ANKRD11: variants seen among roughly 807,000 people sequenced by gnomAD.
ANKRD11 encodes the protein ankyrin repeat domain 11, also known as ankyrin repeat domain-containing protein 11.
Under a neutral mutation model 195.7 loss-of-function variants are expected in ANKRD11, and 17 were observed. The observed-to-expected ratio is 0.09, with a 90% CI of 0.06 to 0.13. ANKRD11 has a LOEUF of 0.13. Among genes scored for constraint, ANKRD11 ranks in the 10% least tolerant of loss-of-function variants. ANKRD11 has a pLI of 1.00. For missense variants in ANKRD11, 3,735 were observed against 3,566.1 expected, an observed-to-expected ratio of 1.05 and a Z score of -1.21; for synonymous variants, 1,953 against 1,528.1, an observed-to-expected ratio of 1.28 and a Z score of -6.49.
rs1259658928 is a variant in ANKRD11, at chr16:89,334,524, G to A, written c.-59-17446C>T. Among the ~76,000 whole-genome samples, 4 of 152,132 alleles carry A rather than the reference G, an allele frequency of 2.6e-5. No homozygotes were observed. In the East Asian group the frequency reaches 7.7e-4, roughly 29 times the overall value. Reference sequence around the variant, plus strand: ...CAACTCCAGGCTGGCAAAGTGACGAGAAAACACCCCACCCATGTGGGCAGT... The same window carrying A: ...CAACTCCAGGCTGGCAAAGTGACGAAAAAACACCCCACCCATGTGGGCAGT... On this transcript the variant is annotated intron_variant, in intron 2 of 12. Coordinates refer to ENST00000301030, the MANE Select transcript of ANKRD11 (RefSeq NM_013275.6).
chr16:89,435,934 G>A (rs772860907), intron 1 of ANKRD11, among the ~76,000 whole-genome samples: 23 of 151,996 alleles, frequency 1.5e-4, no homozygotes, highest in Non-Finnish European at 2.9e-4. Context: ...CTAAATCACC[G>A]CAAGTTTCAA....
intron 1 of ANKRD11, among the ~76,000 whole-genome samples, chr16:89,425,418 T>C (rs1254409280): frequency 1.3e-5 from 2 of 152,158 alleles, no homozygotes; most frequent in Non-Finnish European, 2.9e-5. Flanking sequence ...TTAGAGGACT[T>C]AAAGGGAACA....
chr16:89,313,143 T>C (rs556209664), intron 3 of ANKRD11, among the ~76,000 whole-genome samples: 1 of 152,280 alleles, frequency 6.6e-6, no homozygotes, highest in Admixed American at 6.5e-5. Flanking sequence ...AGGTGACTGC[T>C]CGTCGGAGGA....
chr16:89,382,672 G>T (rs547981956), intron 2 of ANKRD11, among the ~76,000 whole-genome samples: 20 of 150,970 alleles, frequency 1.3e-4, no homozygotes, highest in Non-Finnish European at 2.5e-4. Flanking sequence ...AGTAGATGGG[G>T]TCTCACTATG....
intron 9 of ANKRD11, 159 bp downstream of exon 9, chr16:89,278,913 T>G: frequency 1.6e-6 from 2 of 1,247,016 alleles, no homozygotes; most frequent in Non-Finnish European, 2.3e-6. Context: ...GGCTTTTGCC[T>G]CCACAGCAGA....
At chr16:89,391,572 G>A (rs77422718) in intron 2 of ANKRD11, among the ~76,000 whole-genome samples, 1 of 152,124 alleles carries the variant, frequency 6.6e-6, no homozygotes, top group African/African-American at 2.4e-5. Context: ...AAAAATCTGA[G>A]TTTTCCCCCT....
chr16:89,309,226 T>TG (rs1567621332), intron 3 of ANKRD11, among the ~76,000 whole-genome samples: 1 of 152,126 alleles, frequency 6.6e-6, no homozygotes, highest in Admixed American at 6.5e-5. Context: ...CCACAAATGC[T>TG]GGGCATGGCC....
At chr16:89,476,971 A>G (rs940933127) in intron 1 of ANKRD11, among the ~76,000 whole-genome samples, 3 of 152,230 alleles carry the variant, frequency 2.0e-5, no homozygotes, top group Admixed American at 6.5e-5. Flanking sequence ...TAATACGAGG[A>G]GCTCGTTAAG....
Position 89,279,796 on chromosome 16 carries a change from C to T in ANKRD11, c.6746G>A (p.Arg2249His), listed in dbSNP as rs201043388. ...VEPAPVPPEQ[R>H]PLGSGDQGAE... is the part of the protein sequence containing the mutation. The stretch of plus-strand genomic sequence containing the variant: ...CCCCTGGTCTCCGCTCCCCAGTGGG[C>T]GCTGTTCTGGGGGAACGGGCGCGGG... The change falls in exon 9 of 13, where the codon CGC (arginine) becomes CAC (histidine). Residue 2249 changes from arginine (R) to histidine (H), a missense_variant. Transcript: ENST00000301030. This position sits in a 1 kb window ranked among gnomAD's most constrained non-coding sequence, Gnocchi z 5.6. 491 of 1,538,216 alleles carry T rather than the reference C, an allele frequency of 3.2e-4. 2 individuals carry two copies. The African/African-American group carries it at 4.8e-3, about 15-fold the overall frequency.
Position 89,433,286 on chromosome 16 carries a change from C to T in ANKRD11, c.-144-14918G>A, listed in dbSNP as rs369663603. 2.3e-4 allele frequency among the ~76,000 whole-genome samples: 35 copies of T among 152,292 alleles called. No individual in the cohort carries two copies. The East Asian group carries it at 5.0e-3, about 22-fold the overall frequency. Reference sequence around the variant, plus strand: ...GATCCTTTGGCCCTAACATATGGATCCCTCCAGGCTCTTTCAGTCTGCTAA... The same window carrying T: ...GATCCTTTGGCCCTAACATATGGATTCCTCCAGGCTCTTTCAGTCTGCTAA... On this transcript the variant is annotated intron_variant, in intron 1 of 12. Transcript: ENST00000301030.
chr16:89,355,506 ACGTGGCCCCATGTCCGGC>A lies in ANKRD11; in HGVS notation c.-59-38446_-59-38429del, dbSNP rs1487891472. On this transcript the variant is annotated intron_variant, in intron 2 of 12. Transcript: ENST00000301030. ...ATTTCAAAGTGCTCCTCAGGGGTGAACGTGGCCCCATGTCCGGCACATGCTCTGCTCTGAACGCTCTCT... is the reference window on the plus strand; with the variant it reads ...ATTTCAAAGTGCTCCTCAGGGGTGAAACATGCTCTGCTCTGAACGCTCTCT... Among the ~76,000 whole-genome samples the A allele has an allele frequency of 2.0e-5, 3 of 152,184 alleles. No homozygotes were observed. In the East Asian group the frequency reaches 5.8e-4, roughly 29 times the overall value.
At chr16:89,410,937 G>A (rs2042087913) in intron 2 of ANKRD11, among the ~76,000 whole-genome samples, 1 of 152,258 alleles carries the variant, frequency 6.6e-6, no homozygotes, top group African/African-American at 2.4e-5. Context: ...GAGCTGGGCA[G>A]CTCCTGCTGC....
intron 12 of ANKRD11, among the ~76,000 whole-genome samples, chr16:89,269,093 G>A (rs542348463): frequency 1.3e-5 from 2 of 152,250 alleles, no homozygotes; most frequent in Non-Finnish European, 2.9e-5. Flanking sequence ...GGACTGGACT[G>A]GGGTAGCACA....
At chr16:89,382,142 G>A (rs2040686139) in intron 2 of ANKRD11, among the ~76,000 whole-genome samples, 1 of 152,000 alleles carries the variant, frequency 6.6e-6, no homozygotes. Context: ...CACACCCAGG[G>A]GACAGAGAGT....
At chr16:89,485,498 A>G (rs2057582720) in intron 1 of ANKRD11, among the ~76,000 whole-genome samples, 1 of 152,110 alleles carries the variant, frequency 6.6e-6, no homozygotes. Flanking sequence ...TCAAAACAAA[A>G]CAAAACTGTG....
chr16:89,380,623 A>G (rs932382039), intron 2 of ANKRD11, among the ~76,000 whole-genome samples: 12 of 152,208 alleles, frequency 7.9e-5, no homozygotes, highest in African/African-American at 2.7e-4. Context: ...GTCTTTGTTA[A>G]AAGACAATAA....
At chr16:89,470,426 G>A (rs1036437650) in intron 1 of ANKRD11, among the ~76,000 whole-genome samples, 1 of 152,150 alleles carries the variant, frequency 6.6e-6, no homozygotes. Context: ...CCAGGTCAAC[G>A]CAGGTCAGTC....
intron 9 of ANKRD11, among the ~76,000 whole-genome samples, chr16:89,276,607 A>G (rs1352298434): frequency 6.6e-6 from 1 of 152,188 alleles, no homozygotes; most frequent in East Asian, 1.9e-4. Flanking sequence ...GCCAGGAGAC[A>G]GGGCACGGGA....
chr16:89,437,198 A>G (rs2043251093), intron 1 of ANKRD11, among the ~76,000 whole-genome samples: 1 of 152,250 alleles, frequency 6.6e-6, no homozygotes, highest in African/African-American at 2.4e-5. Flanking sequence ...GAAATGGAGA[A>G]GGAACGTCCA....
Sources: allele counts gnomAD v4.1 joint callset (sites outside exome capture counted in the v4.1 genomes callset), GRCh38; gene constraint gnomAD v4.1.1; non-coding constraint Gnocchi (gnomAD v3.1); transcripts MANE v1.5; gene names NCBI Gene and HGNC (gene_info 2026-07-23, HGNC 2026-07-21).